Variants in AAK1 observed in about 807,000 individuals in gnomAD.
AAK1 encodes the protein AP2-associated protein kinase 1.
Under a neutral mutation model 116.0 loss-of-function variants are expected in AAK1, and 37 were observed. That is an observed-to-expected ratio of 0.32 (90% confidence interval 0.25 to 0.42). The LOEUF (loss-of-function observed/expected upper bound fraction) is 0.42, where lower values mean the gene tolerates loss of function less well. Among genes scored for constraint, AAK1 ranks in the 10% least tolerant of loss-of-function variants. The pLI is 1.00. For missense variants in AAK1, 919 were observed against 1,170.6 expected, an observed-to-expected ratio of 0.79 and a Z score of 3.14; for synonymous variants, 458 against 439.9, an observed-to-expected ratio of 1.04 and a Z score of -0.51.
intron 2 of AAK1, among the ~76,000 whole-genome samples, chr2:69,626,663 C>CTTTTTTTTT (rs1205180498): frequency 8.0e-6 from 1 of 125,546 alleles, no homozygotes; most frequent in African/African-American, 3.2e-5. Flanking sequence ...CCATGCCTGG[C>CTTTTTTTTT]TTTTTTTTTT....
chr2:69,550,517 A>G (rs1474720346), intron 3 of AAK1, among the ~76,000 whole-genome samples: 1 of 151,582 alleles, frequency 6.6e-6, no homozygotes. Flanking sequence ...GTTGGCCAGG[A>G]TGGTCTCATC....
chr2:69,466,781 AGAT>A lies in AAK1; in HGVS notation c.*9085_*9087del. ...TGATAGGCACGACGTACAGGAAAGG[AGAT>A]GAAGATGTTAGGCACACAGACATTC... On this transcript the variant is annotated 3_prime_UTR_variant, in exon 22 of 22. Coordinates refer to ENST00000409085, the MANE Select transcript of AAK1 (RefSeq NM_014911.5). The A allele has an allele frequency of 2.0e-6, 2 of 985,440 alleles. No individual in the cohort carries two copies. Among genetic ancestry groups the A allele is most frequent in the Non-Finnish European group, 2.4e-6 (2 of 829,940 alleles). The allele number at this position is 985,440 out of a possible 1,614,324, so 61.0% of individuals were successfully genotyped here.
At chr2:69,572,008 T>C (rs1672111096) in intron 2 of AAK1, among the ~76,000 whole-genome samples, 4 of 152,202 alleles carry the variant, frequency 2.6e-5, no homozygotes, top group African/African-American at 9.6e-5. Context: ...TCATATCAGA[T>C]GAAATAAAAG....
intron 16 of AAK1, among the ~76,000 whole-genome samples, chr2:69,500,686 TATATATATATATACACACACAC>T (rs1558913490): frequency 1.8e-5 from 2 of 110,492 alleles, no homozygotes. Flanking sequence ...TATATATATA[TATATATATATATACACACACAC>T]ACACACACAC....
intron 3 of AAK1, among the ~76,000 whole-genome samples, chr2:69,553,229 T>C (rs1310118215): frequency 6.6e-6 from 1 of 151,720 alleles, no homozygotes; most frequent in African/African-American, 2.4e-5. Context: ...AAAGAGAAAA[T>C]TTGTAAATTT....
chr2:69,476,358 G>A (rs1674857052), intron 21 of AAK1, among the ~76,000 whole-genome samples: 1 of 152,102 alleles, frequency 6.6e-6, no homozygotes, highest in Non-Finnish European at 1.5e-5. Context: ...GGAGAAACTA[G>A]TTATTAAGAT....
chr2:69,601,532 G>A (rs139960697), intron 2 of AAK1, among the ~76,000 whole-genome samples: 1 of 152,350 alleles, frequency 6.6e-6, no homozygotes, highest in East Asian at 1.9e-4. Flanking sequence ...AATAAACTGG[G>A]TGGACCCATC....
At chr2:69,553,519 C>T (rs1671268890) in intron 3 of AAK1, among the ~76,000 whole-genome samples, 2 of 135,778 alleles carry the variant, frequency 1.5e-5, no homozygotes, top group Non-Finnish European at 3.0e-5. Context: ...TGTTGGCTCA[C>T]TGTAACCTCC....
At chr2:69,641,290 T>A (rs1675713382) in intron 2 of AAK1, among the ~76,000 whole-genome samples, 1 of 152,144 alleles carries the variant, frequency 6.6e-6, no homozygotes, top group Admixed American at 6.5e-5. Context: ...CCTTCGTTTC[T>A]CCTGATTTCT....
intron 2 of AAK1, among the ~76,000 whole-genome samples, chr2:69,637,774 T>C (rs1478092423): frequency 6.6e-6 from 1 of 152,206 alleles, no homozygotes; most frequent in Non-Finnish European, 1.5e-5. Flanking sequence ...TAATATTTTT[T>C]GTGTGTTTTG....
At chr2:69,524,417 G>C (rs199709080) in intron 10 of AAK1, among the ~76,000 whole-genome samples, 5 of 47,982 alleles carry the variant, frequency 1.0e-4, no homozygotes, top group Non-Finnish European at 1.0e-4. Flanking sequence ...TTCTTTTTTT[G>C]TTTTGTTTTG....
At chr2:69,483,185 C>T (rs1675162152) in intron 17 of AAK1, among the ~76,000 whole-genome samples, 1 of 152,124 alleles carries the variant, frequency 6.6e-6, no homozygotes, top group African/African-American at 2.4e-5. Flanking sequence ...AGAACATTTC[C>T]AAAACCTGAG....
At chr2:69,534,931 TAAG>T (rs1400543012) in intron 5 of AAK1, among the ~76,000 whole-genome samples, 2 of 152,228 alleles carry the variant, frequency 1.3e-5, no homozygotes, top group African/African-American at 4.8e-5. Context: ...CCTTCCCAAG[TAAG>T]AATACAAAAC....
At chr2:69,552,917 A>G (rs2105075960) in intron 3 of AAK1, among the ~76,000 whole-genome samples, 1 of 152,296 alleles carries the variant, frequency 6.6e-6, no homozygotes, top group Non-Finnish European at 1.5e-5. Flanking sequence ...TAGAGATTTA[A>G]AAGTCTGGTA....
chr2:69,517,262 G>T (rs1274257836), intron 12 of AAK1, among the ~76,000 whole-genome samples: 1 of 152,044 alleles, frequency 6.6e-6, no homozygotes, highest in Non-Finnish European at 1.5e-5. Flanking sequence ...AGTACCTCAG[G>T]GTAGCTAAAG....
chr2:69,488,302 G>A (rs1005573184), intron 17 of AAK1, among the ~76,000 whole-genome samples: 2 of 152,012 alleles, frequency 1.3e-5, no homozygotes, highest in African/African-American at 2.4e-5. Context: ...ACATGCACAC[G>A]TATCCCCTAA....
At chr2:69,544,634 A>G in intron 3 of AAK1, 90 bp from the exon 4 acceptor site, 1 of 911,948 alleles carries the variant, frequency 1.1e-6, no homozygotes, top group Non-Finnish European at 1.7e-6. Context: ...AGATAATTTA[A>G]ATACAGAGAT....
chr2:69,632,739 A>G (rs1675244746), intron 2 of AAK1, among the ~76,000 whole-genome samples: 2 of 152,214 alleles, frequency 1.3e-5, no homozygotes, highest in South Asian at 4.1e-4. Flanking sequence ...TCTACTAAAA[A>G]TACAAAAAAA....
intron 2 of AAK1, among the ~76,000 whole-genome samples, chr2:69,592,080 C>T (rs1203470117): frequency 1.3e-5 from 2 of 152,166 alleles, no homozygotes; most frequent in African/African-American, 4.8e-5. Flanking sequence ...TCTTTCATTG[C>T]AGTTTGGAAT....
Sources: gnomAD v4.1 joint callset for allele counts (sites outside exome capture counted in the v4.1 genomes callset) on GRCh38, gnomAD v4.1.1 for gene constraint, MANE v1.5 for transcripts, NCBI Gene and HGNC (gene_info 2026-07-23, HGNC 2026-07-21) for gene names.